The following MACROD2 variants were observed in gnomAD, a reference collection of about 807,000 sequenced individuals.
MACROD2 encodes the protein mono-ADP ribosylhydrolase 2.
Under a neutral mutation model 70.4 loss-of-function variants are expected in MACROD2, and 36 were observed. The observed-to-expected ratio is 0.51, with a 90% confidence interval of 0.39 to 0.68. The LOEUF is 0.68. Among genes scored for constraint, MACROD2 ranks in the 30% least tolerant of loss-of-function variants. The pLI, the probability that MACROD2 is intolerant of heterozygous loss-of-function variation, is 0.00. For missense variants in MACROD2, 496 were observed against 538.4 expected, an observed-to-expected ratio of 0.92 and a Z score of 0.78; for synonymous variants, 172 against 178.8, an observed-to-expected ratio of 0.96 and a Z score of 0.30.
intron 5 of MACROD2, among the ~76,000 whole-genome samples, chr20:14,752,366 T>A (rs1039453745): frequency 2.0e-5 from 3 of 150,930 alleles, no homozygotes; most frequent in Non-Finnish European, 4.4e-5. Context: ...ACTACATCCA[T>A]TGAGTTATAG....
At chr20:14,775,752 T>C (rs2123777611) in intron 5 of MACROD2, among the ~76,000 whole-genome samples, 1 of 152,064 alleles carries the variant, frequency 6.6e-6, no homozygotes. Flanking sequence ...ATAGAAACCA[T>C]ATTCTTCCTT....
chr20:14,955,752 G>T (rs2074530852), intron 5 of MACROD2, among the ~76,000 whole-genome samples: 1 of 151,924 alleles, frequency 6.6e-6, no homozygotes, highest in Non-Finnish European at 1.5e-5. Context: ...TTTTAAATTT[G>T]TTTCAATGCC....
chr20:14,220,459 C>T (rs1419165289), intron 3 of MACROD2, among the ~76,000 whole-genome samples: 1 of 152,202 alleles, frequency 6.6e-6, no homozygotes, highest in African/African-American at 2.4e-5. Context: ...CTGTATGCCT[C>T]CTAGCTTTGA....
intron 5 of MACROD2, among the ~76,000 whole-genome samples, chr20:14,786,216 G>GAGAGAGAGAA (rs1568794954): frequency 2.6e-5 from 4 of 151,380 alleles, no homozygotes; most frequent in African/African-American, 9.8e-5. Flanking sequence ...GAGAGAGAGA[G>GAGAGAGAGAA]AGAGAGAGAG....
At chr20:14,668,017 G>A (rs557110030) in intron 4 of MACROD2, among the ~76,000 whole-genome samples, 1 of 152,020 alleles carries the variant, frequency 6.6e-6, no homozygotes, top group Non-Finnish European at 1.5e-5. Flanking sequence ...GCATCATGGT[G>A]CCCTCCTATA....
intron 8 of MACROD2, among the ~76,000 whole-genome samples, chr20:15,567,590 GT>G (rs2048326709): frequency 6.6e-6 from 1 of 152,188 alleles, no homozygotes; most frequent in Non-Finnish European, 1.5e-5. Context: ...CACTTCTGTA[GT>G]GTATTGCAGG....
chr20:15,490,126 TG>T (rs1240378522), intron 7 of MACROD2, among the ~76,000 whole-genome samples: 4 of 123,796 alleles, frequency 3.2e-5, no homozygotes, highest in Non-Finnish European at 5.3e-5. Context: ...GCACACCTCT[TG>T]GCATTTCCTT....
chr20:15,533,657 C>T (rs2047835931), intron 8 of MACROD2, among the ~76,000 whole-genome samples: 1 of 151,936 alleles, frequency 6.6e-6, no homozygotes, highest in Non-Finnish European at 1.5e-5. Flanking sequence ...GAAAAGGAAG[C>T]ATCCTGTAGG....
chr20:14,906,547 G>A (rs977110454), intron 5 of MACROD2, among the ~76,000 whole-genome samples: 1 of 152,094 alleles, frequency 6.6e-6, no homozygotes, highest in African/African-American at 2.4e-5. Flanking sequence ...TGGTTTTTAC[G>A]TAGCACTTCC....
At chr20:14,680,084 A>G (rs1052183349) in intron 4 of MACROD2, among the ~76,000 whole-genome samples, 1 of 152,188 alleles carries the variant, frequency 6.6e-6, no homozygotes, top group Admixed American at 6.5e-5. Flanking sequence ...ATAGAAAGCA[A>G]TAGTTATTCA....
At chr20:15,002,639 G>A (rs2075004955) in intron 5 of MACROD2, among the ~76,000 whole-genome samples, 3 of 152,122 alleles carry the variant, frequency 2.0e-5, no homozygotes, top group Admixed American at 2.0e-4. Context: ...AAATTCCTAT[G>A]GGGACCGGTG....
chr20:16,046,412 A>G (rs2067382237), intron 17 of MACROD2, among the ~76,000 whole-genome samples: 1 of 152,032 alleles, frequency 6.6e-6, no homozygotes, highest in South Asian at 2.1e-4. Flanking sequence ...AGTTTCCATT[A>G]AAAAGTAATG....
chr20:16,012,236 A>G (rs554716863), intron 15 of MACROD2, among the ~76,000 whole-genome samples: 3 of 152,202 alleles, frequency 2.0e-5, no homozygotes, highest in Non-Finnish European at 4.4e-5. Flanking sequence ...CCACTTATCT[A>G]CAAACCTCCT....
intron 4 of MACROD2, among the ~76,000 whole-genome samples, chr20:14,552,328 G>T: frequency 7.0e-6 from 1 of 143,254 alleles, no homozygotes. Context: ...GTGGGGGTGG[G>T]GGTGGGGGCA....
intron 3 of MACROD2, among the ~76,000 whole-genome samples, chr20:14,473,446 C>A (rs2123051949): frequency 6.6e-6 from 1 of 152,280 alleles, no homozygotes; most frequent in African/African-American, 2.4e-5. Context: ...ATGGTGCCCT[C>A]CAGTTCATCC....
intron 12 of MACROD2, among the ~76,000 whole-genome samples, chr20:15,938,908 G>T (rs994348133): frequency 6.6e-6 from 1 of 152,202 alleles, no homozygotes; most frequent in Non-Finnish European, 1.5e-5. Context: ...CTGATAAGGA[G>T]AAAGTTTTAA....
intron 5 of MACROD2, among the ~76,000 whole-genome samples, chr20:14,831,810 A>C (rs550244366): frequency 5.1e-4 from 71 of 139,512 alleles, no homozygotes; most frequent in African/African-American, 1.6e-3. Context: ...AAAAAAAAGC[A>C]ACAACACAAG....
At chr20:15,741,522 C>CAGAG (rs892065552) in intron 8 of MACROD2, among the ~76,000 whole-genome samples, 17 of 152,184 alleles carry the variant, frequency 1.1e-4, no homozygotes, top group Non-Finnish European at 2.2e-4. Flanking sequence ...GCTGTTTTTA[C>CAGAG]AGTATGGAAC....
At chr20:15,266,755 C>T (rs1243519149) in intron 6 of MACROD2, among the ~76,000 whole-genome samples, 1 of 152,232 alleles carries the variant, frequency 6.6e-6, no homozygotes, top group Non-Finnish European at 1.5e-5. Flanking sequence ...TTGTATGTCT[C>T]TTGGTTACCT....
Sources: gnomAD v4.1 joint callset for allele counts (sites outside exome capture counted in the v4.1 genomes callset) on GRCh38, gnomAD v4.1.1 for gene constraint, MANE v1.5 for transcripts, NCBI Gene and HGNC (gene_info 2026-07-23, HGNC 2026-07-21) for gene names.